The following CACNB2 variants were observed in gnomAD, a reference collection of about 807,000 sequenced individuals.
CACNB2 encodes the protein calcium voltage-gated channel auxiliary subunit beta 2, also known as voltage-dependent L-type calcium channel subunit beta-2.
Under a neutral mutation model 73.3 loss-of-function variants are expected in CACNB2, and 42 were observed. The observed-to-expected ratio is 0.57, with a 90% CI of 0.45 to 0.74. The LOEUF is 0.74. Ranked by LOEUF, CACNB2 falls within the 30% of genes least tolerant of loss-of-function variation. The pLI is 0.00. For synonymous variants in CACNB2, 348 were observed against 310.3 expected (o/e 1.12, Z -1.28); for missense variants, 940 against 853.0 (o/e 1.10, Z -1.27).
chr10:18,511,076 A>C (rs1387675645), intron 6 of CACNB2, among the ~76,000 whole-genome samples: 1 of 152,202 alleles, frequency 6.6e-6, no homozygotes, highest in Non-Finnish European at 1.5e-5. Flanking sequence ...AAAAGTCAGC[A>C]CTGGATAAAG....
intron 2 of CACNB2, among the ~76,000 whole-genome samples, chr10:18,226,329 A>G (rs1474373700): frequency 1.3e-5 from 2 of 152,150 alleles, no homozygotes; most frequent in Non-Finnish European, 2.9e-5. Flanking sequence ...CCCCAGACGG[A>G]TGGTTTTAAG....
intron 2 of CACNB2, among the ~76,000 whole-genome samples, chr10:18,300,718 G>T (rs2039474836): frequency 6.6e-6 from 1 of 152,072 alleles, no homozygotes. Context: ...GCATGGTGGT[G>T]GGCACCTGTA....
At chr10:18,371,351 C>T (rs1417224031) in intron 2 of CACNB2, among the ~76,000 whole-genome samples, 1 of 152,042 alleles carries the variant, frequency 6.6e-6, no homozygotes, top group Non-Finnish European at 1.5e-5. Context: ...TGCTATCCCT[C>T]CCCCCTTTCC....
At chr10:18,430,425 C>G (rs1020578000) in intron 3 of CACNB2, among the ~76,000 whole-genome samples, 1 of 151,906 alleles carries the variant, frequency 6.6e-6, no homozygotes, top group African/African-American at 2.4e-5. Flanking sequence ...CTAAAGTTAT[C>G]TCCCACCTGC....
chr10:18,148,996 C>T (rs1202111021), intron 1 of CACNB2, among the ~76,000 whole-genome samples: 1 of 134,886 alleles, frequency 7.4e-6, no homozygotes, highest in Non-Finnish European at 1.5e-5. Context: ...CAGCACAAGA[C>T]ACTGTCTCAA....
At chr10:18,242,630 C>T (rs1474428104) in intron 2 of CACNB2, among the ~76,000 whole-genome samples, 1 of 152,050 alleles carries the variant, frequency 6.6e-6, no homozygotes, top group South Asian at 2.1e-4. Flanking sequence ...AATGTGAAAA[C>T]TGATTTCAGA....
intron 2 of CACNB2, among the ~76,000 whole-genome samples, chr10:18,382,432 G>C (rs1334272414): frequency 2.6e-5 from 4 of 152,020 alleles, no homozygotes; most frequent in Non-Finnish European, 5.9e-5. Flanking sequence ...GTGCAGGTTT[G>C]TTATATAGGT....
chr10:18,442,957 T>C lies in CACNB2; in HGVS notation c.333+40914T>C, dbSNP rs1462488736. On this transcript the variant is annotated intron_variant, in intron 3 of 13. Transcript: ENST00000324631. ...ATATATATATGTGTATATATATATATGTATATATATATGTGTATATATATA... is the reference window on the plus strand; with the variant it reads ...ATATATATATGTGTATATATATATACGTATATATATATGTGTATATATATA... Among the ~76,000 whole-genome samples, 31 of 18,866 alleles carry C rather than the reference T, an allele frequency of 1.6e-3. 4 individuals carry two copies. Among genetic ancestry groups the C allele is most frequent in the African/African-American group, 7.9e-3 (12 of 1,518 alleles). The allele number at this position is 18,866 out of a possible 152,430, so 12.4% of individuals were successfully genotyped here. A position where few individuals can be genotyped will look rare whatever the true frequency, so the allele number is the denominator to read the frequency against.
intron 2 of CACNB2, among the ~76,000 whole-genome samples, chr10:18,290,125 T>C (rs1288937311): frequency 6.7e-5 from 9 of 135,036 alleles, no homozygotes; most frequent in South Asian, 2.6e-4. Context: ...TTTTTTTTTT[T>C]TTTTTTTTTT....
intron 2 of CACNB2, among the ~76,000 whole-genome samples, chr10:18,290,230 T>G (rs2039009811): frequency 2.0e-5 from 3 of 150,566 alleles, no homozygotes; most frequent in Admixed American, 2.0e-4. Flanking sequence ...TTTCACCGTG[T>G]TGGTCAGGCC....
chr10:18,535,175 A>G (rs948428927), intron 11 of CACNB2, among the ~76,000 whole-genome samples: 4 of 152,200 alleles, frequency 2.6e-5, no homozygotes, highest in African/African-American at 9.7e-5. Flanking sequence ...AATTTTCAAG[A>G]CAGACCAATG....
chr10:18,297,212 C>A, intron 2 of CACNB2, among the ~76,000 whole-genome samples: 1 of 152,140 alleles, frequency 6.6e-6, no homozygotes, highest in East Asian at 1.9e-4. Flanking sequence ...TTCCTTTAAT[C>A]CAGATTTTCA....
At chr10:18,291,286 T>G (rs1053673160) in intron 2 of CACNB2, among the ~76,000 whole-genome samples, 2 of 152,202 alleles carry the variant, frequency 1.3e-5, no homozygotes, top group Admixed American at 1.3e-4. Context: ...TTGCTCTCAT[T>G]ATTTTTCTTA....
chr10:18,351,981 G>A (rs2041725896), intron 2 of CACNB2, among the ~76,000 whole-genome samples: 1 of 152,150 alleles, frequency 6.6e-6, no homozygotes, highest in Non-Finnish European at 1.5e-5. Context: ...GCTCTCTCAA[G>A]GCGTGTTCAG....
At chr10:18,315,845 G>A (rs2040162818) in intron 2 of CACNB2, among the ~76,000 whole-genome samples, 1 of 152,190 alleles carries the variant, frequency 6.6e-6, no homozygotes, top group Non-Finnish European at 1.5e-5. Flanking sequence ...ACAACTTCAA[G>A]CTACAACATC....
intron 2 of CACNB2, among the ~76,000 whole-genome samples, chr10:18,162,912 T>C (rs1401205740): frequency 6.6e-6 from 1 of 152,118 alleles, no homozygotes; most frequent in Non-Finnish European, 1.5e-5. Context: ...GCACAATGTG[T>C]TTCTGGGATG....
chr10:18,285,848 A>G (rs1203724513), intron 2 of CACNB2, among the ~76,000 whole-genome samples: 1 of 152,200 alleles, frequency 6.6e-6, no homozygotes, highest in Non-Finnish European at 1.5e-5. Flanking sequence ...GCTGTTCATT[A>G]GTTTTTAAAT....
chr10:18,408,200 A>G (rs1005027935), intron 3 of CACNB2, among the ~76,000 whole-genome samples: 9 of 149,092 alleles, frequency 6.0e-5, no homozygotes, highest in African/African-American at 2.0e-4. Context: ...AAGTTTTCAA[A>G]TGAACTTAAG....
At chr10:18,518,837 G>C (rs954704813) in intron 8 of CACNB2, 73 bp from the exon 9 acceptor site, 2 of 1,337,912 alleles carry the variant, frequency 1.5e-6, no homozygotes, top group Non-Finnish European at 2.1e-6. Flanking sequence ...ATTCCTAAGA[G>C]AAGTAAAATT....
Sources: gnomAD v4.1 joint callset for allele counts (sites outside exome capture counted in the v4.1 genomes callset) on GRCh38, gnomAD v4.1.1 for gene constraint, MANE v1.5 for transcripts, NCBI Gene and HGNC (gene_info 2026-07-23, HGNC 2026-07-21) for gene names.